EPHA7: variants seen among roughly 807,000 people sequenced by gnomAD.
EPHA7 encodes the protein ephrin type-A receptor 7.
A neutral mutation model predicts 112.6 loss-of-function variants in EPHA7; 25 were observed. That is an observed-to-expected ratio of 0.22 (90% CI 0.16 to 0.31). The LOEUF is 0.31. EPHA7 is among the 10% of genes least tolerant of loss of function. EPHA7 has a pLI of 1.00. For synonymous variants in EPHA7, 437 were observed against 406.5 expected (o/e 1.07, Z -0.90); for missense variants, 962 against 1,212.6 (o/e 0.79, Z 3.07).
In EPHA7 at chr6:93,327,847, A is replaced by G. The variant is rs1774398350; in HGVS notation, c.1324+28870T>C. On this transcript the variant is annotated intron_variant, in intron 5 of 16. Transcript: ENST00000369303. Reference sequence around the variant, plus strand: ...TAGCTATTCTTAACACAGCAGCGAGATTGTTAATGAGATGGTTATGAAAGT... The same window carrying G: ...TAGCTATTCTTAACACAGCAGCGAGGTTGTTAATGAGATGGTTATGAAAGT... Among the ~76,000 whole-genome samples, 4 of 151,620 alleles carry G rather than the reference A, an allele frequency of 2.6e-5. No homozygotes were observed. The South Asian group carries it at 8.3e-4, about 31-fold the overall frequency.
chr6:93,254,747 C>A lies in EPHA7; in HGVS notation c.2432G>T (p.Arg811Leu), dbSNP rs147054938. 10 of 1,613,162 alleles carry A rather than the reference C, an allele frequency of 6.2e-6. No homozygotes were observed. The highest frequency in any genetic ancestry group is 8.5e-7 in the Non-Finnish European group (1 of 1,179,494). The change falls in exon 14 of 17, where the codon CGG (arginine) becomes CTG (leucine). Residue 811 changes from arginine to leucine, a missense_variant. Coordinates refer to ENST00000369303, the MANE Select transcript of EPHA7 (RefSeq NM_004440.4). ...TACATCACTGGCTGATGTGAATTTCCGGTACTGGATGGCTTCGGGTGCTGT... is the reference window on the plus strand; with the variant it reads ...TACATCACTGGCTGATGTGAATTTCAGGTACTGGATGGCTTCGGGTGCTGT... ...RWTAPEAIQY[R>L]KFTSASDVWS...
chr6:93,281,967 CAAAT>C (rs911124569), intron 5 of EPHA7, among the ~76,000 whole-genome samples: 6 of 151,340 alleles, frequency 4.0e-5, no homozygotes, highest in Non-Finnish European at 7.4e-5. Flanking sequence ...ATAAAATGTA[CAAAT>C]AATTTTATGT....
At chr6:93,335,234 T>C (rs980914710) in intron 5 of EPHA7, among the ~76,000 whole-genome samples, 3 of 152,090 alleles carry the variant, frequency 2.0e-5, no homozygotes, top group African/African-American at 7.2e-5. Context: ...CTTCCAAAAA[T>C]GGGAGATATT....
In EPHA7 at chr6:93,337,046, T is replaced by C. The variant is rs529691182; in HGVS notation, c.1324+19671A>G. Among the ~76,000 whole-genome samples the C allele has an allele frequency of 3.3e-5, 5 of 152,306 alleles. No individual in the cohort carries two copies. In the South Asian group the frequency reaches 1.0e-3, roughly 32 times the overall value. On this transcript the variant is annotated intron_variant, in intron 5 of 16. Transcript: ENST00000369303. ...AAAGTGGCTGCTGGTTTTGTTTTAC[T>C]GTGTTTGGCTGAATGCACAGTCAGT... is the stretch of plus-strand genomic sequence containing the variant.
intron 3 of EPHA7, among the ~76,000 whole-genome samples, chr6:93,362,493 T>TA (rs1180465876): frequency 6.6e-6 from 1 of 152,052 alleles, no homozygotes; most frequent in Non-Finnish European, 1.5e-5. Context: ...TATTTAAGAA[T>TA]AAAAAAGCAC....
chr6:93,293,379 T>A (rs1009068638), intron 5 of EPHA7, among the ~76,000 whole-genome samples: 1 of 152,116 alleles, frequency 6.6e-6, no homozygotes, highest in Non-Finnish European at 1.5e-5. Context: ...AGTAAAAATA[T>A]TTTGCAATAT....
chr6:93,309,111 G>A (rs552360130), intron 5 of EPHA7, among the ~76,000 whole-genome samples: 2 of 152,188 alleles, frequency 1.3e-5, no homozygotes, highest in East Asian at 3.9e-4. Context: ...ACCATGCCCA[G>A]CTATTTGTTT....
At chr6:93,289,222 A>G (rs1772225834) in intron 5 of EPHA7, among the ~76,000 whole-genome samples, 1 of 152,180 alleles carries the variant, frequency 6.6e-6, no homozygotes, top group South Asian at 2.1e-4. Flanking sequence ...GTATATTGCA[A>G]TTCTCTAAGA....
At position 93,242,492 on chromosome 6, in the gene EPHA7, T is replaced by C. The variant is rs1769732413; in HGVS notation, c.*934A>G. The C allele has an allele frequency of 5.0e-6, 1 of 198,874 alleles. No individual in the cohort carries two copies. Among genetic ancestry groups the C allele is most frequent in the Non-Finnish European group, 1.0e-5 (1 of 96,012 alleles). The allele number at this position is 198,874 out of a possible 1,614,324, so 12.3% of individuals were successfully genotyped here. A position where few individuals can be genotyped will look rare whatever the true frequency, so the allele number is the denominator to read the frequency against. On this transcript the variant is annotated 3_prime_UTR_variant, in exon 17 of 17. Transcript: ENST00000369303. ...AAAAATCTTGATGTGCTCAGATTAA[T>C]TTTTAGATAACACTGGATAGTTCTG...
chr6:93,334,044 CA>C (rs1774734812), intron 5 of EPHA7, among the ~76,000 whole-genome samples: 1 of 151,708 alleles, frequency 6.6e-6, no homozygotes, highest in South Asian at 2.1e-4. Context: ...CTATGGTAAC[CA>C]AAGCAGCATG....
intron 3 of EPHA7, among the ~76,000 whole-genome samples, chr6:93,407,416 A>T (rs1778773121): frequency 6.6e-6 from 1 of 152,052 alleles, no homozygotes; most frequent in African/African-American, 2.4e-5. Flanking sequence ...TTCCAGAGGC[A>T]AGTACTCTTG....
At chr6:93,372,894 A>C (rs761794920) in intron 3 of EPHA7, among the ~76,000 whole-genome samples, 33 of 152,082 alleles carry the variant, frequency 2.2e-4, no homozygotes, top group Non-Finnish European at 1.6e-4. Context: ...TGATTTCATT[A>C]ATTTTTTAGT....
intron 5 of EPHA7, among the ~76,000 whole-genome samples, chr6:93,299,743 AC>A (rs1772874622): frequency 6.6e-6 from 1 of 152,222 alleles, no homozygotes. Flanking sequence ...TCAATGAAAG[AC>A]TGGATAAAGA....
At chr6:93,370,202 A>G (rs1776720072) in intron 3 of EPHA7, among the ~76,000 whole-genome samples, 1 of 152,188 alleles carries the variant, frequency 6.6e-6, no homozygotes, top group Admixed American at 6.5e-5. Context: ...AAGGAAAACA[A>G]CTAAGCTGAG....
At chr6:93,354,185 G>A (rs1436037766) in intron 5 of EPHA7, among the ~76,000 whole-genome samples, 1 of 152,044 alleles carries the variant, frequency 6.6e-6, no homozygotes, top group Non-Finnish European at 1.5e-5. Context: ...GTTTTACAGG[G>A]TTCCTTGGAT....
At chr6:93,391,151 T>C (rs1463087287) in intron 3 of EPHA7, among the ~76,000 whole-genome samples, 1 of 151,966 alleles carries the variant, frequency 6.6e-6, no homozygotes, top group African/African-American at 2.4e-5. Flanking sequence ...TTGTTATAAG[T>C]GTACTCTGAA....
At position 93,268,817 on chromosome 6, in the gene EPHA7, G is replaced by T. The variant is rs767773267; in HGVS notation, c.1633+660C>A. On this transcript the variant is annotated intron_variant, in intron 7 of 16. Transcript: ENST00000369303. Reference sequence around the variant, plus strand: ...TTGTAAAACATAAAATGATAAAGGGGCTTCAAAGATACTGGTTATATTCTA... The same window carrying T: ...TTGTAAAACATAAAATGATAAAGGGTCTTCAAAGATACTGGTTATATTCTA... Among the ~76,000 whole-genome samples the T allele has an allele frequency of 5.9e-5, 9 of 151,810 alleles. No individual in the cohort carries two copies. In the East Asian group the frequency reaches 1.8e-3, roughly 30 times the overall value.
In EPHA7 at chr6:93,242,349, C is replaced by T. The variant is rs774940584; in HGVS notation, c.*1077G>A. 1 of 199,850 alleles carries T rather than the reference C, an allele frequency of 5.0e-6. No homozygotes were observed. Among genetic ancestry groups the T allele is most frequent in the Non-Finnish European group, 1.0e-5 (1 of 96,584 alleles). The allele number at this position is 199,850 out of a possible 1,614,324, so 12.4% of individuals were successfully genotyped here. A position where few individuals can be genotyped will look rare whatever the true frequency, so the allele number is the denominator to read the frequency against. ...AATTGTGAACTGCCCCTTTATCATG[C>T]TTCAGAGTTATAATATAAAACAATT... On this transcript the variant is annotated 3_prime_UTR_variant, in exon 17 of 17. Transcript: ENST00000369303.
At chr6:93,358,795 G>A (rs1040918934) in intron 3 of EPHA7, among the ~76,000 whole-genome samples, 10 of 152,034 alleles carry the variant, frequency 6.6e-5, no homozygotes, top group Admixed American at 6.6e-4. Context: ...TTCAAGTTAT[G>A]TTTTCTTAAT....
Sources: gnomAD v4.1 joint callset for allele counts (sites outside exome capture counted in the v4.1 genomes callset) on GRCh38, gnomAD v4.1.1 for gene constraint, MANE v1.5 for transcripts, NCBI Gene and HGNC (gene_info 2026-07-23, HGNC 2026-07-21) for gene names.